Variants in NINL observed in about 807,000 individuals in gnomAD.
The protein encoded by NINL is ninein-like protein.
NINL carries 153 observed loss-of-function variants against 160.3 expected under a neutral mutation model. The ratio of observed to expected loss-of-function variants is 0.95; its 90% CI spans 0.84 to 1.09. NINL has a LOEUF of 1.09. Among genes scored for constraint, NINL ranks in the 50% least tolerant of loss-of-function variants. The probability of loss-of-function intolerance (pLI) is 0.00; values close to 1 mark genes in which losing one functional copy is unlikely to be tolerated. For synonymous variants in NINL, 800 were observed against 734.8 expected, an observed-to-expected ratio of 1.09 and a Z score of -1.43; for missense variants, 1,829 against 1,764.0, an observed-to-expected ratio of 1.04 and a Z score of -0.66.
At chr20:25,471,416 G>C (rs2063090982) in intron 17 of NINL, among the ~76,000 whole-genome samples, 1 of 152,134 alleles carries the variant, frequency 6.6e-6, no homozygotes, top group South Asian at 2.1e-4. Context: ...TTTCAAGCAG[G>C]AGAGTTCTGT....
At chr20:25,530,063 T>A (rs1045731460) in intron 1 of NINL, among the ~76,000 whole-genome samples, 9 of 152,166 alleles carry the variant, frequency 5.9e-5, no homozygotes, top group African/African-American at 2.2e-4. Context: ...ATTCCTCTAC[T>A]TTTTTTCTCT....
chr20:25,546,970 G>A (rs966748396), intron 1 of NINL, among the ~76,000 whole-genome samples: 9 of 152,112 alleles, frequency 5.9e-5, no homozygotes, highest in South Asian at 2.1e-4. Context: ...GCATGTGCCT[G>A]TGTCCTCATC....
chr20:25,495,986 A>T (rs1294601343), intron 10 of NINL, among the ~76,000 whole-genome samples: 1 of 152,102 alleles, frequency 6.6e-6, no homozygotes, highest in Non-Finnish European at 1.5e-5. Context: ...TCTACTAAAA[A>T]TACAAAAATT....
At chr20:25,493,072 G>C (rs990558463) in intron 10 of NINL, among the ~76,000 whole-genome samples, 6 of 152,176 alleles carry the variant, frequency 3.9e-5, no homozygotes, top group Non-Finnish European at 7.3e-5. Context: ...CCAGGACAGA[G>C]TGTTTCCAAT....
At chr20:25,498,928 A>G (rs938875976) in intron 8 of NINL, 17 of 985,346 alleles carry the variant, frequency 1.7e-5, no homozygotes, top group African/African-American at 3.5e-5. Context: ...TGAAACAACA[A>G]AAAATAGAGT....
intron 1 of NINL, among the ~76,000 whole-genome samples, chr20:25,584,385 G>A (rs897687882): frequency 1.3e-5 from 2 of 152,158 alleles, no homozygotes; most frequent in African/African-American, 2.4e-5. Flanking sequence ...GCTTGAATCC[G>A]GGAGGCAGAG....
chr20:25,477,586 G>A (rs1249014288), intron 16 of NINL, among the ~76,000 whole-genome samples: 1 of 152,260 alleles, frequency 6.6e-6, no homozygotes, highest in Non-Finnish European at 1.5e-5. Flanking sequence ...AGTGAAGTGA[G>A]AGCTGGCAAG....
chr20:25,477,186 C>T (rs1199439700), intron 16 of NINL, 97 bp from the exon 17 acceptor site: 1 of 1,185,256 alleles, frequency 8.4e-7, no homozygotes, highest in African/African-American at 1.5e-5. Context: ...CTGCGACCTC[C>T]TCTCTGTGGT....
intron 17 of NINL, among the ~76,000 whole-genome samples, chr20:25,475,607 C>T (rs1311460979): frequency 2.0e-5 from 3 of 152,084 alleles, no homozygotes; most frequent in African/African-American, 7.2e-5. Context: ...CGCAGTGGCT[C>T]ACGCCTGTAA....
At chr20:25,543,544 G>C (rs1332573570) in intron 1 of NINL, among the ~76,000 whole-genome samples, 1 of 152,120 alleles carries the variant, frequency 6.6e-6, no homozygotes, top group Non-Finnish European at 1.5e-5. Flanking sequence ...CCTAACTTTC[G>C]ACGCCTAAGT....
At chr20:25,540,207 T>TCTG in intron 1 of NINL, 1 of 393,364 alleles carries the variant, frequency 2.5e-6, no homozygotes, top group Admixed American at 3.1e-5. Flanking sequence ...TTCTCTTAGT[T>TCTG]TCATTTTTGG....
chr20:25,476,401 G>C lies in NINL; in HGVS notation c.2890C>G (p.Pro964Ala), dbSNP rs1042610950. 2 of 1,581,868 alleles carry C rather than the reference G, an allele frequency of 1.3e-6. No homozygotes were observed. Among genetic ancestry groups the C allele is most frequent in the Non-Finnish European group, 1.7e-6 (2 of 1,169,634 alleles). ...GCCTGTCCCCTGCACGAAGCGGCCG[G>C]CCTCAGGGGTGGCTCCCACATCCGT... ...QPRMWEPPLRPAASCRGQAER... is the reference protein window; with the variant it reads ...QPRMWEPPLRAAASCRGQAER... The change falls in exon 17 of 24, where the codon CCG (proline) becomes GCG (alanine). Residue 964 changes from proline to alanine, a missense_variant. Transcript: ENST00000278886.
intron 10 of NINL, among the ~76,000 whole-genome samples, chr20:25,493,601 C>T (rs1036769153): frequency 7.9e-5 from 12 of 152,154 alleles, no homozygotes; most frequent in Non-Finnish European, 1.8e-4. Context: ...GCTATGAGAA[C>T]GTCTTAAGCA....
At chr20:25,499,311 T>C (rs934995305) in intron 8 of NINL, 30 of 861,728 alleles carry the variant, frequency 3.5e-5, no homozygotes, top group Non-Finnish European at 4.0e-5. Flanking sequence ...TCAGAAATGC[T>C]GACTGAGTTG....
intron 13 of NINL, among the ~76,000 whole-genome samples, chr20:25,488,747 G>T (rs2063556685): frequency 6.6e-6 from 1 of 151,910 alleles, no homozygotes; most frequent in African/African-American, 2.4e-5. Context: ...ATGTTAACCT[G>T]TTATTACATT....
intron 18 of NINL, among the ~76,000 whole-genome samples, chr20:25,468,532 GCCCTGTCC>G (rs1163059830): frequency 1.1e-5 from 1 of 89,708 alleles, no homozygotes; most frequent in East Asian, 1.2e-3. Context: ...GCACTGCCCT[GCCCTGTCC>G]CCCGACTCTC....
intron 18 of NINL, among the ~76,000 whole-genome samples, chr20:25,468,310 TG>T (rs2062969188): frequency 7.0e-6 from 1 of 141,966 alleles, no homozygotes; most frequent in African/African-American, 2.7e-5. Context: ...CACTGATGGG[TG>T]GCCCCCCGTC....
At chr20:25,458,596 C>T in intron 21 of NINL, 67 bp from the exon 22 acceptor site, 1 of 1,432,690 alleles carries the variant, frequency 7.0e-7, no homozygotes, top group Non-Finnish European at 9.2e-7. Flanking sequence ...GCACCCTCTC[C>T]ATCCAAGGAC....
At chr20:25,463,449 C>T (rs116541551) in intron 19 of NINL, among the ~76,000 whole-genome samples, 1,868 of 152,222 alleles carry the variant, frequency 0.012, 31 homozygotes, top group African/African-American at 0.04. Context: ...GTATGTTTTG[C>T]TTTTTCTCAA....
Sources: allele counts gnomAD v4.1 joint callset (sites outside exome capture counted in the v4.1 genomes callset), GRCh38; gene constraint gnomAD v4.1.1; transcripts MANE v1.5; gene names NCBI Gene and HGNC (gene_info 2026-07-23, HGNC 2026-07-21).